The following KCNQ1OT1 variants were observed in gnomAD, a reference collection of about 807,000 sequenced individuals.
The protein encoded by KCNQ1OT1 is KCNQ1 opposite strand/antisense transcript 1.
In KCNQ1OT1 at chr11:2,623,950, A is replaced by T; in HGVS notation, n.76045T>A. On this transcript the variant is annotated non_coding_transcript_exon_variant, in exon 1 of 1. Transcript: ENST00000597346. The surrounding 1 kb of genome is among the most constrained non-coding windows in gnomAD (Gnocchi z 5.2). ...TTTTAATTCTTTGAAGAACCACCAA[A>T]CTCTTCTCCACCAGGGCTGCACCAC... is the stretch of plus-strand genomic sequence containing the variant. 2.5e-6 allele frequency: 1 copy of T among 398,434 alleles called. No individual in the cohort carries two copies. Among genetic ancestry groups the T allele is most frequent in the Non-Finnish European group, 4.4e-6 (1 of 226,036 alleles). The allele number at this position is 398,434 out of a possible 1,614,324, so 24.7% of individuals were successfully genotyped here.
exon 1 of KCNQ1OT1, chr11:2,680,614 C>T: frequency 2.5e-6 from 1 of 398,508 alleles, no homozygotes; most frequent in Non-Finnish European, 4.4e-6. Flanking sequence ...TCTTGCAAAA[C>T]TGTAGTACAA....
Position 2,663,750 on chromosome 11 carries a change from G to C in KCNQ1OT1, n.36245C>G, listed in dbSNP as rs1850012042. On this transcript the variant is annotated non_coding_transcript_exon_variant, in exon 1 of 1. Coordinates refer to ENST00000597346, the Ensembl canonical transcript of KCNQ1OT1. This position sits in a 1 kb window ranked among gnomAD's most constrained non-coding sequence, Gnocchi z 5.2. ...GCAGGTGAAGGTGGTGAGAGACCAGGCACTTATGTGGATCACAGCCAAACT... is the reference window on the plus strand; with the variant it reads ...GCAGGTGAAGGTGGTGAGAGACCAGCCACTTATGTGGATCACAGCCAAACT... 1.8e-5 allele frequency: 7 copies of C among 398,738 alleles called. 1 individual carries two copies. The highest frequency in any genetic ancestry group is 4.1e-5 in the African/African-American group (2 of 48,772). 24.7% of individuals were successfully genotyped at this position (398,738 alleles called of 1,614,324 possible).
Position 2,670,949 on chromosome 11 carries a change from C to T in KCNQ1OT1, n.29046G>A, listed in dbSNP as rs568958123. On this transcript the variant is annotated non_coding_transcript_exon_variant, in exon 1 of 1. Transcript: ENST00000597346. This position sits in a 1 kb window ranked among gnomAD's most constrained non-coding sequence, Gnocchi z 4.9. The stretch of plus-strand genomic sequence containing the variant: ...CAAATTGGCAGGCCCAGCTTCATGC[C>T]TTCTTATGGTGCCCCAGAGCCCCTG... 4 of 398,640 alleles carry T rather than the reference C, an allele frequency of 1.0e-5. No individual in the cohort carries two copies. The highest frequency in any genetic ancestry group is 6.2e-5 in the African/African-American group (3 of 48,748). 24.7% of individuals were successfully genotyped at this position (398,640 alleles called of 1,614,324 possible). A position where few individuals can be genotyped will look rare whatever the true frequency, so the allele number is the denominator to read the frequency against.
Position 2,674,802 on chromosome 11 carries a change from G to C in KCNQ1OT1, n.25193C>G. ...AACTCTCGCCAACTGCTGGCCTTTG[G>C]AAAGGCTTGTCACCCTAATAGCTGT... On this transcript the variant is annotated non_coding_transcript_exon_variant, in exon 1 of 1. Transcript: ENST00000597346. This position sits in a 1 kb window ranked among gnomAD's most constrained non-coding sequence, Gnocchi z 5.9. 1 of 370,982 alleles carries C rather than the reference G, an allele frequency of 2.7e-6. No individual in the cohort carries two copies. The allele number at this position is 370,982 out of a possible 1,614,324, so 23.0% of individuals were successfully genotyped here.
rs12290659 is a variant in KCNQ1OT1 at position 2,626,147 on chromosome 11, T to C, written n.73848A>G. ...CGCATACAAGAAGCACTGCCAATGA[T>C]GTAAAGTTTTTCCCCTATGTTTCCT... On this transcript the variant is annotated non_coding_transcript_exon_variant, in exon 1 of 1. Transcript: ENST00000597346. The surrounding 1 kb of genome is among the most constrained non-coding windows in gnomAD (Gnocchi z 4.0). 1,370 of 397,800 alleles carry C rather than the reference T, an allele frequency of 3.4e-3. 13 individuals carry two copies. Among genetic ancestry groups the C allele is most frequent in the African/African-American group, 0.021 (996 of 47,978 alleles). 24.6% of individuals were successfully genotyped at this position (397,800 alleles called of 1,614,324 possible). A position where few individuals can be genotyped will look rare whatever the true frequency, so the allele number is the denominator to read the frequency against.
At position 2,652,153 on chromosome 11, in the gene KCNQ1OT1, C is replaced by G; in HGVS notation, n.47842G>C. On this transcript the variant is annotated non_coding_transcript_exon_variant, in exon 1 of 1. Transcript: ENST00000597346. This position sits in a 1 kb window ranked among gnomAD's most constrained non-coding sequence, Gnocchi z 5.9. ...GGACCTGTGTTTCTCAAGCCCGCGC[C>G]CTCGGGGCCTGGGGGTGGGGCCCCA... The G allele has an allele frequency of 2.5e-6, 1 of 398,616 alleles. No individual in the cohort carries two copies. Among genetic ancestry groups the G allele is most frequent in the Non-Finnish European group, 4.4e-6 (1 of 226,104 alleles). 24.7% of individuals were successfully genotyped at this position (398,616 alleles called of 1,614,324 possible).
chr11:2,697,787 T>C (rs1850703841), exon 1 of KCNQ1OT1: 2 of 398,538 alleles, frequency 5.0e-6, no homozygotes, highest in East Asian at 7.1e-5. Context: ...TACAAGGAAC[T>C]TCTGCATCTA....
At position 2,663,504 on chromosome 11, in the gene KCNQ1OT1, C is replaced by T. The variant is rs960792003; in HGVS notation, n.36491G>A. On this transcript the variant is annotated non_coding_transcript_exon_variant, in exon 1 of 1. Coordinates refer to ENST00000597346, the Ensembl canonical transcript of KCNQ1OT1. The surrounding 1 kb of genome is among the most constrained non-coding windows in gnomAD (Gnocchi z 5.2). ...TTGTGTGCAATACAGGTGGCAGTGCCTGTATTGCCTCTTGGCTGTCCCCTC... is the reference window on the plus strand; with the variant it reads ...TTGTGTGCAATACAGGTGGCAGTGCTTGTATTGCCTCTTGGCTGTCCCCTC... 3.3e-5 allele frequency: 13 copies of T among 398,544 alleles called. No individual in the cohort carries two copies. The highest frequency in any genetic ancestry group is 5.3e-5 in the Non-Finnish European group (12 of 226,108). 24.7% of individuals were successfully genotyped at this position (398,544 alleles called of 1,614,324 possible).
At chr11:2,686,854 C>T in exon 1 of KCNQ1OT1, 2 of 398,698 alleles carry the variant, frequency 5.0e-6, no homozygotes, top group Non-Finnish European at 8.8e-6. Flanking sequence ...CCCCTCTGGC[C>T]AGAGGCCCTG....
At chr11:2,630,007 G>C (rs1849327186) in exon 1 of KCNQ1OT1, 1 of 397,004 alleles carries the variant, frequency 2.5e-6, no homozygotes, top group South Asian at 1.3e-4. Context: ...CATCTTAGAG[G>C]AGAGGCATTC....
Position 2,624,239 on chromosome 11 carries a change from G to C in KCNQ1OT1, n.75756C>G, listed in dbSNP as rs1200375927. 7.5e-6 allele frequency: 3 copies of C among 398,378 alleles called. No homozygotes were observed. The highest frequency in any genetic ancestry group is 1.3e-5 in the Non-Finnish European group (3 of 226,032). The allele number at this position is 398,378 out of a possible 1,614,324, so 24.7% of individuals were successfully genotyped here. On this transcript the variant is annotated non_coding_transcript_exon_variant, in exon 1 of 1. Transcript: ENST00000597346. The surrounding 1 kb of genome is among the most constrained non-coding windows in gnomAD (Gnocchi z 4.9). Reference sequence around the variant, plus strand: ...CTTCATTGGTGAGATGTCTGTTAAGGTCTTCAGTCCATTTTGTAATCAGAT... The same window carrying C: ...CTTCATTGGTGAGATGTCTGTTAAGCTCTTCAGTCCATTTTGTAATCAGAT...
At position 2,654,153 on chromosome 11, in the gene KCNQ1OT1, C is replaced by T. The variant is rs1001543586; in HGVS notation, n.45842G>A. On this transcript the variant is annotated non_coding_transcript_exon_variant, in exon 1 of 1. Transcript: ENST00000597346. The surrounding 1 kb of genome is among the most constrained non-coding windows in gnomAD (Gnocchi z 6.4). ...CCACTCTGGCTCAGGGTCTATGAGC[C>T]GGGCATGGGCAGCTGGCACAGGCTG... 3 of 398,326 alleles carry T rather than the reference C, an allele frequency of 7.5e-6. No homozygotes were observed. Among genetic ancestry groups the T allele is most frequent in the Admixed American group, 8.8e-5 (2 of 22,720 alleles). 24.7% of individuals were successfully genotyped at this position (398,326 alleles called of 1,614,324 possible).
rs553157437 is a variant in KCNQ1OT1, at chr11:2,651,937, C to A, written n.48058G>T. On this transcript the variant is annotated non_coding_transcript_exon_variant, in exon 1 of 1. Coordinates refer to ENST00000597346, the Ensembl canonical transcript of KCNQ1OT1. The surrounding 1 kb of genome is among the most constrained non-coding windows in gnomAD (Gnocchi z 6.1). ...GCTTGCTCTCCTCCTACTCACAGCC[C>A]TCCTGCAGCCAGCAGCAGTGGGGGA... 5.6e-4 allele frequency: 223 copies of A among 398,688 alleles called. No homozygotes were observed. The highest frequency in any genetic ancestry group is 8.4e-4 in the Non-Finnish European group (190 of 226,118). 24.7% of individuals were successfully genotyped at this position (398,688 alleles called of 1,614,324 possible).
rs1434083287 is a variant in KCNQ1OT1 at position 2,682,577 on chromosome 11, G to A, written n.17418C>T. 1.5e-5 allele frequency: 6 copies of A among 398,448 alleles called. No homozygotes were observed. Among genetic ancestry groups the A allele is most frequent in the Non-Finnish European group, 2.2e-5 (5 of 226,078 alleles). 24.7% of individuals were successfully genotyped at this position (398,448 alleles called of 1,614,324 possible). A position where few individuals can be genotyped will look rare whatever the true frequency, so the allele number is the denominator to read the frequency against. ...TCCATAAGGCTATGCTGGGGTTCAG[G>A]CAACCCAAGGCTGGTCTGGAGAGTG... On this transcript the variant is annotated non_coding_transcript_exon_variant, in exon 1 of 1. Transcript: ENST00000597346. This position sits in a 1 kb window ranked among gnomAD's most constrained non-coding sequence, Gnocchi z 5.8.
exon 1 of KCNQ1OT1, chr11:2,630,957 T>C: frequency 2.5e-6 from 1 of 398,560 alleles, no homozygotes; most frequent in Non-Finnish European, 4.4e-6. Context: ...GATAGCCTTA[T>C]GGAGGTTCCT....
At chr11:2,662,069 C>T in exon 1 of KCNQ1OT1, 1 of 1,614,232 alleles carries the variant, frequency 6.2e-7, no homozygotes, top group Non-Finnish European at 8.5e-7. Flanking sequence ...ACACCCATCA[C>T]CCACATCTCA....
chr11:2,681,274 C>T, exon 1 of KCNQ1OT1: 1 of 398,548 alleles, frequency 2.5e-6, no homozygotes, highest in Non-Finnish European at 4.4e-6. Flanking sequence ...GCTTCACTTT[C>T]TCCCTATACC....
At position 2,691,704 on chromosome 11, in the gene KCNQ1OT1, C is replaced by A; in HGVS notation, n.8291G>T. The A allele has an allele frequency of 2.5e-6, 1 of 398,518 alleles. No individual in the cohort carries two copies. The highest frequency in any genetic ancestry group is 1.3e-4 in the South Asian group (1 of 7,846). 24.7% of individuals were successfully genotyped at this position (398,518 alleles called of 1,614,324 possible). On this transcript the variant is annotated non_coding_transcript_exon_variant, in exon 1 of 1. Coordinates refer to ENST00000597346, the Ensembl canonical transcript of KCNQ1OT1. This position sits in a 1 kb window ranked among gnomAD's most constrained non-coding sequence, Gnocchi z 6.4. ...GGGAAGGGGTCTCTCCCCATCTGTC[C>A]AGGGGAGAGGCAGCCCACAGGGAGC...
chr11:2,637,730 G>C (rs183214709), exon 1 of KCNQ1OT1: 1 of 152,266 alleles, frequency 6.6e-6, no homozygotes, highest in East Asian at 1.9e-4. Flanking sequence ...TTCAATTCCT[G>C]GATATCCTTG....
Sources: allele counts gnomAD v4.1 joint callset, GRCh38; gene constraint gnomAD v4.1.1; non-coding constraint Gnocchi (gnomAD v3.1); transcripts MANE v1.5; gene names NCBI Gene and HGNC (gene_info 2026-07-23, HGNC 2026-07-21).